The following OR7D4 variants were observed in gnomAD, a reference collection of about 807,000 sequenced individuals.
OR7D4 encodes olfactory receptor 7D4.
For missense variants in OR7D4, 319 were observed against 377.1 expected (o/e 0.85, Z 1.27); for synonymous variants, 154 against 158.4 (o/e 0.97, Z 0.21).
At position 9,210,612 on chromosome 19, in the gene OR7D4, CA is replaced by C. The variant is rs1420618830; in HGVS notation, c.*3286del. 1 of 152,104 alleles carries C rather than the reference CA, an allele frequency of 6.6e-6. No individual in the cohort carries two copies. Among genetic ancestry groups the C allele is most frequent in the Non-Finnish European group, 1.5e-5 (1 of 68,102 alleles). 9.4% of individuals were successfully genotyped at this position (152,104 alleles called of 1,614,324 possible). A position where few individuals can be genotyped will look rare whatever the true frequency, so the allele number is the denominator to read the frequency against. On this transcript the variant is annotated 3_prime_UTR_variant, in exon 2 of 2. Coordinates refer to ENST00000641669, the MANE Select transcript of OR7D4 (RefSeq NM_001005191.3). ...AAACAAAAACTCCATAACTTCCATA[CA>C]ACCTATTTTATCTACTTGAATAAAG...
chr19:9,215,313 A>C (rs1452662929), intron 1 of OR7D4, among the ~76,000 whole-genome samples: 1 of 137,756 alleles, frequency 7.3e-6, no homozygotes, highest in Non-Finnish European at 1.5e-5. Flanking sequence ...ACTGCACTCC[A>C]GCCTGGTGAC....
intron 1 of OR7D4, among the ~76,000 whole-genome samples, chr19:9,217,633 G>A (rs182746560): frequency 7.9e-5 from 12 of 152,254 alleles, no homozygotes; most frequent in Non-Finnish European, 1.5e-4. Flanking sequence ...CTGCCTCCCA[G>A]GTTCAAGCGA....
intron 1 of OR7D4, 84 bp from the exon 2 acceptor site, chr19:9,214,934 G>T: frequency 1.5e-6 from 1 of 687,914 alleles, no homozygotes; most frequent in Non-Finnish European, 2.5e-6. Flanking sequence ...ATCACCTTTT[G>T]ATGGACATTT....
In OR7D4 at chr19:9,213,772, A is replaced by G. The variant is rs2051187635; in HGVS notation, c.*127T>C. 1 of 687,364 alleles carries G rather than the reference A, an allele frequency of 1.5e-6. No homozygotes were observed. The highest frequency in any genetic ancestry group is 2.5e-6 in the Non-Finnish European group (1 of 407,820). 42.6% of individuals were successfully genotyped at this position (687,364 alleles called of 1,614,324 possible). ...AACAATAACAACAACAAACAACCCA[A>G]TAACAACAACCAAAAATCCCACATC... On this transcript the variant is annotated 3_prime_UTR_variant, in exon 2 of 2. Coordinates refer to ENST00000641669, the MANE Select transcript of OR7D4 (RefSeq NM_001005191.3).
chr19:9,214,669 T>A lies in OR7D4; in HGVS notation c.169A>T (p.Thr57Ser). The change falls in exon 2 of 2, where the codon ACC (threonine) becomes TCC (serine). Residue 57 changes from threonine to serine, a missense_variant. Physicochemically the swap from Thr to Ser is moderately conservative, Grantham distance 58. Transcript: ENST00000641669. ...TTGGAGAGGAAGAAGTACATGGGGG[T>A]GTGGAGGTGGGAGTCAGAGCTGACG... is the stretch of plus-strand genomic sequence containing the variant. ...LAVSSDSHLH[T>S]PMYFFLSNLS... 1 of 1,612,568 alleles carries A rather than the reference T, an allele frequency of 6.2e-7. No homozygotes were observed. Among genetic ancestry groups the A allele is most frequent in the African/African-American group, 1.3e-5 (1 of 74,692 alleles).
Position 9,213,844 on chromosome 19 carries a change from A to G in OR7D4, c.*55T>C. On this transcript the variant is annotated 3_prime_UTR_variant, in exon 2 of 2. Transcript: ENST00000641669. ...AAAAGAGCCGGATATTTAAACCCACAACATTTGCCTTAGGGGTACGCAGTG... is the reference window on the plus strand; with the variant it reads ...AAAAGAGCCGGATATTTAAACCCACGACATTTGCCTTAGGGGTACGCAGTG... 2 of 1,259,798 alleles carry G rather than the reference A, an allele frequency of 1.6e-6. No homozygotes were observed. Among genetic ancestry groups the G allele is most frequent in the Non-Finnish European group, 1.1e-6 (1 of 886,670 alleles). 78.0% of individuals were successfully genotyped at this position (1,259,798 alleles called of 1,614,324 possible).
rs1244326940 is a variant in OR7D4 at position 9,213,216 on chromosome 19, A to C, written c.*683T>G. On this transcript the variant is annotated 3_prime_UTR_variant, in exon 2 of 2. Coordinates refer to ENST00000641669, the MANE Select transcript of OR7D4 (RefSeq NM_001005191.3). ...AAGGTGAGGAACATCAACATTCAAC[A>C]GGATAATTTTTGAGGAAACCAGGTC... The C allele has an allele frequency of 6.6e-6, 1 of 152,228 alleles. No homozygotes were observed. Among genetic ancestry groups the C allele is most frequent in the Non-Finnish European group, 1.5e-5 (1 of 68,078 alleles). 9.4% of individuals were successfully genotyped at this position (152,228 alleles called of 1,614,324 possible). A position where few individuals can be genotyped will look rare whatever the true frequency, so the allele number is the denominator to read the frequency against.
Position 9,214,058 on chromosome 19 carries a change from C to G in OR7D4, c.780G>C (p.Leu260=), listed in dbSNP as rs558419354. ...GGGAAGAATGGGTCACAGCAGAACTCAGATAGACCCCAAGTCCTGTTCCAT... is the reference window on the plus strand; with the variant it reads ...GGGAAGAATGGGTCACAGCAGAACTGAGATAGACCCCAAGTCCTGTTCCAT... ...LFYGTGLGVY[L]SSAVTHSSQS... is the part of the protein sequence containing the mutation. The change falls in exon 2 of 2, where the codon CTG becomes CTC. Residue 260 remains leucine, a synonymous_variant. Transcript: ENST00000641669. 1.6e-5 allele frequency: 26 copies of G among 1,614,132 alleles called. No homozygotes were observed. In the East Asian group the frequency reaches 1.8e-4, roughly 11 times the overall value.
At chr19:9,216,676 C>G (rs941153181) in intron 1 of OR7D4, among the ~76,000 whole-genome samples, 4 of 152,114 alleles carry the variant, frequency 2.6e-5, no homozygotes, top group African/African-American at 9.7e-5. Context: ...ACTGCAACCT[C>G]TGCCTCCTGG....
chr19:9,218,961 T>C (rs563947678), intron 1 of OR7D4, among the ~76,000 whole-genome samples: 53 of 150,650 alleles, frequency 3.5e-4, no homozygotes, highest in African/African-American at 1.2e-3. Flanking sequence ...AGAAAAAAAA[T>C]TGGACTGCAT....
At chr19:9,216,966 C>T (rs937073875) in intron 1 of OR7D4, among the ~76,000 whole-genome samples, 2 of 152,314 alleles carry the variant, frequency 1.3e-5, no homozygotes, top group East Asian at 1.9e-4. Context: ...ATCCCCCTTA[C>T]ATGGGGCAGC....
chr19:9,213,987 A>G lies in OR7D4; in HGVS notation c.851T>C (p.Met284Thr), dbSNP rs755648669. Residue 284 changes from methionine (M) to threonine (T), a missense_variant, in exon 2 of 2, where the codon ATG (methionine) becomes ACG (threonine). Transcript: ENST00000641669. ...CAGGCTGTAGATGAAGGGGTTCAGCATGGGGGTGACCATGGCGTACATCAC... is the reference window on the plus strand; with the variant it reads ...CAGGCTGTAGATGAAGGGGTTCAGCGTGGGGGTGACCATGGCGTACATCAC... ...ASVMYAMVTP[M>T]LNPFIYSLRN... The G allele has an allele frequency of 1.2e-6, 2 of 1,613,982 alleles. No homozygotes were observed. The highest frequency in any genetic ancestry group is 2.2e-5 in the South Asian group (2 of 91,082).
intron 1 of OR7D4, among the ~76,000 whole-genome samples, chr19:9,216,894 A>C (rs976111847): frequency 6.6e-6 from 1 of 152,204 alleles, no homozygotes; most frequent in African/African-American, 2.4e-5. Context: ...GCCCAGCCTG[A>C]ACTTTTGTTT....
chr19:9,214,702 T>A lies in OR7D4; in HGVS notation c.136A>T (p.Ile46Phe), dbSNP rs781137383. 1 of 1,613,792 alleles carries A rather than the reference T, an allele frequency of 6.2e-7. No individual in the cohort carries two copies. The highest frequency in any genetic ancestry group is 1.3e-5 in the African/African-American group (1 of 74,826). Reference protein sequence around the residue: ...LVTVLGNLLIILAVSSDSHLH... With the variant: ...LVTVLGNLLIFLAVSSDSHLH... The stretch of plus-strand genomic sequence containing the variant: ...TGGGAGTCAGAGCTGACGGCCAGAA[T>A]GATGAGCAGGTTCCCCAGCACCGTG... The change falls in exon 2 of 2, where the codon ATT (isoleucine) becomes TTT (phenylalanine). Residue 46 changes from isoleucine to phenylalanine, a missense_variant. Transcript: ENST00000641669.
In OR7D4 at chr19:9,212,362, C is replaced by A. The variant is rs2051178155; in HGVS notation, c.*1537G>T. 6.6e-6 allele frequency: 1 copy of A among 152,070 alleles called. No individual in the cohort carries two copies. Among genetic ancestry groups the A allele is most frequent in the African/African-American group, 2.4e-5 (1 of 41,398 alleles). 9.4% of individuals were successfully genotyped at this position (152,070 alleles called of 1,614,324 possible). A position where few individuals can be genotyped will look rare whatever the true frequency, so the allele number is the denominator to read the frequency against. ...TTATTTCAAAGACAAATATTTATTG[C>A]AGGTATTTGAATAAACAGAAAATAC... is the stretch of plus-strand genomic sequence containing the variant. On this transcript the variant is annotated 3_prime_UTR_variant, in exon 2 of 2. Transcript: ENST00000641669.
In OR7D4 at chr19:9,219,219, C is replaced by T. The variant is rs2051238533; in HGVS notation, c.-33G>A. ...CAATACCTTGAGCATAGTAGATCTT[C>T]CGTGAGTAGTTAATGAATAAGTAAC... On this transcript the variant is annotated 5_prime_UTR_variant, in exon 1 of 2. Coordinates refer to ENST00000641669, the MANE Select transcript of OR7D4 (RefSeq NM_001005191.3). 1 of 152,074 alleles carries T rather than the reference C, an allele frequency of 6.6e-6. No homozygotes were observed. The highest frequency in any genetic ancestry group is 2.1e-4 in the South Asian group (1 of 4,824). 9.4% of individuals were successfully genotyped at this position (152,074 alleles called of 1,614,324 possible).
In OR7D4 at chr19:9,214,117, A is replaced by C. The variant is rs1316615859; in HGVS notation, c.721T>G (p.Cys241Gly). 6.2e-6 allele frequency: 10 copies of C among 1,614,200 alleles called. No individual in the cohort carries two copies. The East Asian group carries it at 2.2e-4, about 36-fold the overall frequency. Residue 241 changes from cysteine (C) to glycine (G), a missense_variant, in exon 2 of 2, where the codon TGT becomes GGT. Transcript: ENST00000641669. ...TKGKYKAFSTCGSHLCVVSLF... is the reference protein window; with the variant it reads ...TKGKYKAFSTGGSHLCVVSLF... ...GAGACCACACAGAGGTGAGATCCACAGGTGGAAAAGGCTTTGTACTTGCCC... is the reference window on the plus strand; with the variant it reads ...GAGACCACACAGAGGTGAGATCCACCGGTGGAAAAGGCTTTGTACTTGCCC...
rs1412293315 is a variant in OR7D4 at position 9,214,673 on chromosome 19, G to A, written c.165C>T (p.Leu55=). ...IILAVSSDSH[L]HTPMYFFLSN... ...AGAGGAAGAAGTACATGGGGGTGTG[G>A]AGGTGGGAGTCAGAGCTGACGGCCA... Residue 55 remains leucine, a synonymous_variant, in exon 2 of 2, where the codon CTC becomes CTT. Transcript: ENST00000641669. The A allele has an allele frequency of 6.2e-7, 1 of 1,614,070 alleles. No homozygotes were observed. Among genetic ancestry groups the A allele is most frequent in the African/African-American group, 1.3e-5 (1 of 74,934 alleles).
chr19:9,215,732 A>C (rs889707278), intron 1 of OR7D4, among the ~76,000 whole-genome samples: 2 of 152,206 alleles, frequency 1.3e-5, no homozygotes, highest in African/African-American at 4.8e-5. Context: ...TATTACTATT[A>C]ATCTTATTAA....
Sources: gnomAD v4.1 joint callset for allele counts (sites outside exome capture counted in the v4.1 genomes callset) on GRCh38, gnomAD v4.1.1 for gene constraint, MANE v1.5 for transcripts, NCBI Gene and HGNC (gene_info 2026-07-23, HGNC 2026-07-21) for gene names.